GALNT13: variants seen among roughly 807,000 people sequenced by gnomAD.
The protein encoded by GALNT13 is polypeptide N-acetylgalactosaminyltransferase 13.
Under a neutral mutation model 64.2 loss-of-function variants are expected in GALNT13, and 28 were observed. The observed-to-expected ratio is 0.44, with a 90% CI of 0.32 to 0.60. The LOEUF is 0.60. GALNT13 is among the 20% of genes least tolerant of loss of function. The pLI is 0.05. For synonymous variants in GALNT13, 214 were observed against 224.6 expected (o/e 0.95, Z 0.42); for missense variants, 577 against 669.8 (o/e 0.86, Z 1.53).
intron 3 of GALNT13, among the ~76,000 whole-genome samples, chr2:154,102,061 G>A (rs953186890): frequency 6.6e-6 from 1 of 152,066 alleles, no homozygotes; most frequent in African/African-American, 2.4e-5. Flanking sequence ...TTATTGCCAG[G>A]TATATGGTCA....
At chr2:154,151,382 A>G (rs1342175075) in intron 4 of GALNT13, among the ~76,000 whole-genome samples, 2 of 152,060 alleles carry the variant, frequency 1.3e-5, no homozygotes, top group Non-Finnish European at 2.9e-5. Flanking sequence ...GGTGTGGTGC[A>G]GTGCTGAAAA....
the GALNT13 span, among the ~76,000 whole-genome samples, chr2:153,346,541 C>G: frequency 6.6e-6 from 1 of 152,050 alleles, no homozygotes; most frequent in Non-Finnish European, 1.5e-5. Flanking sequence ...GAAAGATTCT[C>G]TTGGTTTTTC....
chr2:154,020,594 A>G (rs571331344), intron 3 of GALNT13, among the ~76,000 whole-genome samples: 32 of 152,110 alleles, frequency 2.1e-4, no homozygotes, highest in African/African-American at 2.9e-4. Context: ...TAGATTCTGG[A>G]TATCAGCCCT....
At chr2:154,245,144 T>TAAATAAATAAATAAAA (rs1437426983) in intron 6 of GALNT13, among the ~76,000 whole-genome samples, 1 of 147,430 alleles carries the variant, frequency 6.8e-6, no homozygotes, top group Non-Finnish European at 1.5e-5. Context: ...AATAAATAAA[T>TAAATAAATAAATAAAA]AAAACACCAG....
chr2:153,942,538 A>G (rs1333454157), intron 2 of GALNT13, among the ~76,000 whole-genome samples: 1 of 152,180 alleles, frequency 6.6e-6, no homozygotes, highest in East Asian at 1.9e-4. Flanking sequence ...TTCCTTTATT[A>G]TCAGGTTTAG....
intron 11 of GALNT13, among the ~76,000 whole-genome samples, chr2:154,417,673 G>A (rs1382087644): frequency 6.6e-6 from 1 of 151,490 alleles, no homozygotes; most frequent in Non-Finnish European, 1.5e-5. Flanking sequence ...AACCATACCT[G>A]GCTAATTTTT....
At chr2:153,170,721 C>T in the GALNT13 span, among the ~76,000 whole-genome samples, 1 of 152,268 alleles carries the variant, frequency 6.6e-6, no homozygotes, top group South Asian at 2.1e-4. Flanking sequence ...CATTATCTAA[C>T]AAATGTTACC....
chr2:153,546,275 G>A, the GALNT13 span, among the ~76,000 whole-genome samples: 5 of 152,108 alleles, frequency 3.3e-5, no homozygotes, highest in Non-Finnish European at 5.9e-5. Flanking sequence ...ACATTAAAAC[G>A]CTGTGACAAG....
chr2:153,611,794 C>A, the GALNT13 span, among the ~76,000 whole-genome samples: 1 of 145,278 alleles, frequency 6.9e-6, no homozygotes, highest in Non-Finnish European at 1.5e-5. Flanking sequence ...ACCTATCAAT[C>A]CGTCTTCTAG....
chr2:153,346,956 C>G, the GALNT13 span, among the ~76,000 whole-genome samples: 1 of 152,162 alleles, frequency 6.6e-6, no homozygotes, highest in Admixed American at 6.5e-5. Context: ...ATTTGTGGGA[C>G]CACGTGCAAG....
intron 4 of GALNT13, among the ~76,000 whole-genome samples, chr2:154,189,678 G>GAA (rs201141802): frequency 1.4e-5 from 2 of 142,014 alleles, no homozygotes; most frequent in East Asian, 4.1e-4. Flanking sequence ...GGTTTACATA[G>GAA]AAAAAAAAAA....
At chr2:153,625,118 A>G in the GALNT13 span, among the ~76,000 whole-genome samples, 1 of 152,094 alleles carries the variant, frequency 6.6e-6, no homozygotes, top group Non-Finnish European at 1.5e-5. Context: ...AAACAATTTA[A>G]TTAGAAAGGC....
chr2:154,055,572 G>T (rs1699856114), intron 3 of GALNT13, among the ~76,000 whole-genome samples: 2 of 152,072 alleles, frequency 1.3e-5, no homozygotes, highest in African/African-American at 4.8e-5. Flanking sequence ...ATTGGAGAAA[G>T]TATCCTACAG....
At chr2:153,738,870 G>GT in the GALNT13 span, among the ~76,000 whole-genome samples, 5 of 151,674 alleles carry the variant, frequency 3.3e-5, no homozygotes, top group African/African-American at 9.7e-5. Flanking sequence ...TTTTCCTTCA[G>GT]TTTTTTTATT....
the GALNT13 span, among the ~76,000 whole-genome samples, chr2:153,267,899 C>T: frequency 5.8e-4 from 88 of 152,044 alleles, no homozygotes; most frequent in Non-Finnish European, 7.2e-4. Context: ...TAACCTCTCA[C>T]TAGAACAGCA....
the GALNT13 span, among the ~76,000 whole-genome samples, chr2:153,746,458 T>G: frequency 3.3e-5 from 5 of 152,352 alleles, no homozygotes; most frequent in South Asian, 1.0e-3. Context: ...AAAATTCACC[T>G]GTAATGTTAA....
At chr2:153,574,404 G>A in the GALNT13 span, among the ~76,000 whole-genome samples, 5 of 152,022 alleles carry the variant, frequency 3.3e-5, no homozygotes, top group Non-Finnish European at 5.9e-5. Flanking sequence ...GATTTGGGGA[G>A]TTCTCTGTTA....
Position 154,354,774 on chromosome 2 carries a change from G to A in GALNT13, c.1157-41217G>A, listed in dbSNP as rs930980180. Among the ~76,000 whole-genome samples, 9 of 151,880 alleles carry A rather than the reference G, an allele frequency of 5.9e-5. No homozygotes were observed. The South Asian group carries it at 6.2e-4, about 10-fold the overall frequency. ...TAGGTTCTCTTCTATTCCACCGGTC[G>A]ATGTTTCTGTTTATCTGCCAGACAT... On this transcript the variant is annotated intron_variant, in intron 9 of 12. Coordinates refer to ENST00000392825, the MANE Select transcript of GALNT13 (RefSeq NM_052917.4).
At chr2:153,126,091 GTTATTTTCC>G in the GALNT13 span, among the ~76,000 whole-genome samples, 15 of 514 alleles carry the variant, frequency 0.029, no homozygotes, top group East Asian at 0.23. Context: ...AAAACTGATT[GTTATTTTCC>G]TGATTGTTAT....
Sources: gnomAD v4.1 joint callset for allele counts (sites outside exome capture counted in the v4.1 genomes callset) on GRCh38, gnomAD v4.1.1 for gene constraint, MANE v1.5 for transcripts, NCBI Gene and HGNC (gene_info 2026-07-23, HGNC 2026-07-21) for gene names.